MYRIP: variants seen among roughly 807,000 people sequenced by gnomAD.
MYRIP encodes myosin VIIA and Rab interacting protein.
In MYRIP, 49 loss-of-function variants were observed where a neutral mutation model predicts 98.0. The observed-to-expected ratio is 0.50, with a 90% CI of 0.40 to 0.63. MYRIP has a LOEUF of 0.63. MYRIP is among the 30% of genes least tolerant of loss of function. The pLI is 0.00. For missense variants in MYRIP, 1,004 were observed against 1,058.2 expected, an observed-to-expected ratio of 0.95 and a Z score of 0.71; for synonymous variants, 404 against 409.5, an observed-to-expected ratio of 0.99 and a Z score of 0.16.
chr3:40,221,169 T>G (rs1341168975), intron 11 of MYRIP, among the ~76,000 whole-genome samples: 1 of 152,174 alleles, frequency 6.6e-6, no homozygotes, highest in Non-Finnish European at 1.5e-5. Flanking sequence ...TGCCATATGG[T>G]TAGCACATTC....
At chr3:40,170,192 A>C (rs1001830796) in intron 8 of MYRIP, 99 bp downstream of exon 8, 3 of 1,475,976 alleles carry the variant, frequency 2.0e-6, no homozygotes, top group Non-Finnish European at 2.7e-6. Flanking sequence ...TGGCCAGGGT[A>C]AAAATTTCAG....
intron 3 of MYRIP, among the ~76,000 whole-genome samples, chr3:40,147,629 CAGTT>C (rs952531657): frequency 3.3e-5 from 5 of 152,168 alleles, no homozygotes; most frequent in Non-Finnish European, 7.3e-5. Flanking sequence ...TTCTTCTACT[CAGTT>C]AGTTTACAAA....
At chr3:40,083,105 T>G (rs1009430990) in intron 3 of MYRIP, among the ~76,000 whole-genome samples, 2 of 152,188 alleles carry the variant, frequency 1.3e-5, no homozygotes, top group African/African-American at 4.8e-5. Flanking sequence ...ATTTAATGAG[T>G]GGCTGCTGTG....
At chr3:40,036,979 T>G (rs928468880) in intron 2 of MYRIP, among the ~76,000 whole-genome samples, 3 of 150,094 alleles carry the variant, frequency 2.0e-5, no homozygotes, top group African/African-American at 7.3e-5. Flanking sequence ...AAATGAAACA[T>G]AAAATGCCTA....
chr3:40,201,264 AGTGGTTGCCCTTTC>A, intron 10 of MYRIP, among the ~76,000 whole-genome samples: 1 of 152,334 alleles, frequency 6.6e-6, no homozygotes, highest in Non-Finnish European at 1.5e-5. Context: ...CTGGGGAATA[AGTGGTTGCCCTTTC>A]AACAAATAGC....
intron 16 of MYRIP, among the ~76,000 whole-genome samples, chr3:40,253,756 A>G (rs1953474243): frequency 6.6e-6 from 1 of 152,202 alleles, no homozygotes; most frequent in Non-Finnish European, 1.5e-5. Flanking sequence ...AGCCGCTATT[A>G]AGGGTTCGTT....
intron 4 of MYRIP, among the ~76,000 whole-genome samples, chr3:40,152,402 T>C (rs1362769499): frequency 6.6e-6 from 1 of 152,168 alleles, no homozygotes; most frequent in Non-Finnish European, 1.5e-5. Flanking sequence ...TACCACTTAA[T>C]GCACATTGAG....
intron 2 of MYRIP, among the ~76,000 whole-genome samples, chr3:39,977,175 G>A (rs373950476): frequency 1.3e-5 from 2 of 151,854 alleles, no homozygotes; most frequent in African/African-American, 2.4e-5. Context: ...CCCTCCTCAC[G>A]TTATCCACTA....
chr3:39,946,543 C>T (rs1575403393), intron 2 of MYRIP, among the ~76,000 whole-genome samples: 2 of 152,106 alleles, frequency 1.3e-5, no homozygotes, highest in Non-Finnish European at 2.9e-5. Flanking sequence ...ACTGGGGGTT[C>T]TCCAGTGCTG....
chr3:39,842,469 G>A lies in MYRIP; in HGVS notation c.-31+32553G>A, dbSNP rs557230506. On this transcript the variant is annotated intron_variant, in intron 1 of 16. Transcript: ENST00000302541. ...CAGCCCCCTTTCCAGGGGAGTGAACGGTTCTGTCTTGCTGCCGTTTCAGGT... is the reference window on the plus strand; with the variant it reads ...CAGCCCCCTTTCCAGGGGAGTGAACAGTTCTGTCTTGCTGCCGTTTCAGGT... 7.2e-5 allele frequency among the ~76,000 whole-genome samples: 11 copies of A among 152,224 alleles called. 1 individual carries two copies. The South Asian group carries it at 1.9e-3, about 26-fold the overall frequency.
chr3:40,220,432 T>C (rs1335154371), intron 11 of MYRIP, among the ~76,000 whole-genome samples: 1 of 152,198 alleles, frequency 6.6e-6, no homozygotes, highest in Non-Finnish European at 1.5e-5. Flanking sequence ...CTGAATGGTA[T>C]TGCCTAGGTT....
At chr3:40,244,225 G>C (rs554916198) in intron 12 of MYRIP, among the ~76,000 whole-genome samples, 1 of 152,174 alleles carries the variant, frequency 6.6e-6, no homozygotes, top group South Asian at 2.1e-4. Context: ...TTTCTTACAG[G>C]AAAGTTTGTG....
At chr3:40,184,264 C>T (rs1233208595) in intron 9 of MYRIP, among the ~76,000 whole-genome samples, 2 of 152,118 alleles carry the variant, frequency 1.3e-5, no homozygotes, top group African/African-American at 4.8e-5. Flanking sequence ...CTGTTAGATT[C>T]CATAGAGTAC....
rs75693956 is a variant in MYRIP, at chr3:40,028,095, C to T, written c.111-15955C>T. ...CACTTCCTGCTACGCCCATGGCAGACACTGCTACCTCATCATGACACCCAA... is the reference window on the plus strand; with the variant it reads ...CACTTCCTGCTACGCCCATGGCAGATACTGCTACCTCATCATGACACCCAA... On this transcript the variant is annotated intron_variant, in intron 2 of 16. Transcript: ENST00000302541. Among the ~76,000 whole-genome samples the T allele has an allele frequency of 5.4e-3, 827 of 152,236 alleles. 7 individuals carry two copies. Among genetic ancestry groups the T allele is most frequent in the East Asian group, 0.035 (183 of 5,160 alleles).
At chr3:40,204,739 G>C (rs1951748147) in intron 10 of MYRIP, among the ~76,000 whole-genome samples, 1 of 152,108 alleles carries the variant, frequency 6.6e-6, no homozygotes, top group African/African-American at 2.4e-5. Context: ...TGGGGAGCTT[G>C]TAGGGTCCTC....
chr3:39,810,021 T>A (rs1940614855), intron 1 of MYRIP, 105 bp downstream of exon 1: 1 of 152,002 alleles, frequency 6.6e-6, no homozygotes, highest in Admixed American at 6.5e-5. Flanking sequence ...TGTGGAGGTG[T>A]CTCTCACGCT....
intron 4 of MYRIP, among the ~76,000 whole-genome samples, chr3:40,153,142 C>T (rs1950155166): frequency 1.3e-5 from 2 of 151,928 alleles, no homozygotes; most frequent in Admixed American, 6.6e-5. Context: ...TTATGGATAC[C>T]AAGACACTTC....
At chr3:39,842,191 A>G (rs1259520315) in intron 1 of MYRIP, among the ~76,000 whole-genome samples, 1 of 152,150 alleles carries the variant, frequency 6.6e-6, no homozygotes, top group Non-Finnish European at 1.5e-5. Flanking sequence ...GTCTGGCTAC[A>G]TGGGCTTTGC....
At chr3:39,904,411 A>G (rs973186639) in intron 2 of MYRIP, among the ~76,000 whole-genome samples, 23 of 151,968 alleles carry the variant, frequency 1.5e-4, no homozygotes, top group Admixed American at 1.5e-3. Context: ...AATTTTTTGT[A>G]TGTTAGTAGA....
Sources: gnomAD v4.1 joint callset for allele counts (sites outside exome capture counted in the v4.1 genomes callset) on GRCh38, gnomAD v4.1.1 for gene constraint, MANE v1.5 for transcripts, NCBI Gene and HGNC (gene_info 2026-07-23, HGNC 2026-07-21) for gene names.